Variants in TFCP2L1 observed in about 807,000 individuals in gnomAD.
The protein encoded by TFCP2L1 is transcription factor CP2 like 1.
TFCP2L1 carries 12 observed loss-of-function variants against 72.2 expected under a neutral mutation model. The ratio of observed to expected loss-of-function variants is 0.17; its 90% CI spans 0.11 to 0.27. The LOEUF is 0.27. Ranked by LOEUF, TFCP2L1 falls within the 10% of genes least tolerant of loss-of-function variation. The pLI, the probability that TFCP2L1 is intolerant of heterozygous loss-of-function variation, is 1.00. For synonymous variants in TFCP2L1, 260 were observed against 251.0 expected, an observed-to-expected ratio of 1.04 and a Z score of -0.34; for missense variants, 488 against 624.6, an observed-to-expected ratio of 0.78 and a Z score of 2.33.
At chr2:121,273,358 C>A (rs1464565153) in intron 2 of TFCP2L1, among the ~76,000 whole-genome samples, 1 of 152,178 alleles carries the variant, frequency 6.6e-6, no homozygotes, top group Admixed American at 6.5e-5. Context: ...CCCTCAGGCT[C>A]CAGCCTTCGG....
At position 121,237,795 on chromosome 2, in the gene TFCP2L1, C is replaced by G; in HGVS notation, c.909+7G>C. ...CACCAGCCAGAAAGCCCTGCTCAGA[C>G]ACTTACGTCACTGCCCACGGGCAGG... On this transcript the variant is annotated splice_region_variant and intron_variant, in intron 9 of 14. Transcript: ENST00000263707. 9 of 1,614,144 alleles carry G rather than the reference C, an allele frequency of 5.6e-6. No homozygotes were observed. The highest frequency in any genetic ancestry group is 7.6e-6 in the Non-Finnish European group (9 of 1,180,024).
intron 7 of TFCP2L1, chr2:121,240,552 AG>A: frequency 1.0e-6 from 1 of 985,458 alleles, no homozygotes; most frequent in Non-Finnish European, 1.2e-6. Flanking sequence ...AACAGCTGAT[AG>A]AAGTGGCAGC....
intron 1 of TFCP2L1, among the ~76,000 whole-genome samples, chr2:121,284,712 G>A (rs879295679): frequency 2.0e-5 from 3 of 152,220 alleles, no homozygotes; most frequent in Non-Finnish European, 4.4e-5. Flanking sequence ...ATACGCGGGG[G>A]AGAGGAGGGC....
intron 2 of TFCP2L1, among the ~76,000 whole-genome samples, chr2:121,280,615 G>GC: frequency 6.6e-6 from 1 of 151,988 alleles, no homozygotes; most frequent in African/African-American, 2.4e-5. Flanking sequence ...TTAAAAATTA[G>GC]CCGGGCATGG....
chr2:121,248,945 C>T lies in TFCP2L1; in HGVS notation c.397+37G>A, dbSNP rs201461467. 11 of 1,500,490 alleles carry T rather than the reference C, an allele frequency of 7.3e-6. No individual in the cohort carries two copies. In the East Asian group the frequency reaches 9.7e-5, roughly 13 times the overall value. 92.9% of individuals were successfully genotyped at this position (1,500,490 alleles called of 1,614,324 possible). ...AGAACCCAATGTGGCCTGGGTGCCT[C>T]GAGCCTTGCCTGGCCTCTCCTGGCC... On this transcript the variant is annotated intron_variant, in intron 4 of 14. Transcript: ENST00000263707.
At chr2:121,281,756 T>C (rs1687267840) in intron 1 of TFCP2L1, among the ~76,000 whole-genome samples, 1 of 152,158 alleles carries the variant, frequency 6.6e-6, no homozygotes, top group African/African-American at 2.4e-5. Context: ...CTCTGTAAAC[T>C]ATGCAAATGA....
chr2:121,258,232 C>G (rs1686765222), intron 2 of TFCP2L1, among the ~76,000 whole-genome samples: 1 of 152,186 alleles, frequency 6.6e-6, no homozygotes. Flanking sequence ...GAAATGGGCC[C>G]TCGCCTCACA....
At chr2:121,272,976 C>T (rs916755803) in intron 2 of TFCP2L1, among the ~76,000 whole-genome samples, 3 of 152,118 alleles carry the variant, frequency 2.0e-5, no homozygotes, top group African/African-American at 7.2e-5. Flanking sequence ...TGTTTGAAAC[C>T]CTCATCATCC....
At chr2:121,276,373 C>T (rs1687147300) in intron 2 of TFCP2L1, among the ~76,000 whole-genome samples, 1 of 151,924 alleles carries the variant, frequency 6.6e-6, no homozygotes, top group Non-Finnish European at 1.5e-5. Flanking sequence ...TAATGTTTCA[C>T]AAGTGTCCCA....
intron 1 of TFCP2L1, 83 bp from the exon 2 acceptor site, chr2:121,281,354 G>A (rs1312498124): frequency 4.2e-5 from 62 of 1,475,840 alleles, no homozygotes; most frequent in Non-Finnish European, 5.0e-5. Context: ...GAGAGACGAC[G>A]CAGACCACCG....
At position 121,217,924 on chromosome 2, in the gene TFCP2L1, C is replaced by T. The variant is rs572826011; in HGVS notation, c.*6417G>A. The T allele has an allele frequency of 1.3e-5, 2 of 152,370 alleles. No homozygotes were observed. Among genetic ancestry groups the T allele is most frequent in the Admixed American group, 6.5e-5 (1 of 15,306 alleles). The allele number at this position is 152,370 out of a possible 1,614,324, so 9.4% of individuals were successfully genotyped here. A position where few individuals can be genotyped will look rare whatever the true frequency, so the allele number is the denominator to read the frequency against. On this transcript the variant is annotated 3_prime_UTR_variant, in exon 15 of 15. Transcript: ENST00000263707. ...GCACCAGAACCTTCCAAGGGGGGCT[C>T]GCCAGCCACACAGGACACGAGATGC...
intron 13 of TFCP2L1, among the ~76,000 whole-genome samples, chr2:121,230,274 C>A (rs1038083944): frequency 6.6e-6 from 1 of 152,116 alleles, no homozygotes; most frequent in Non-Finnish European, 1.5e-5. Context: ...CAGGTTCAAG[C>A]GATTCTCCTG....
At chr2:121,239,746 GAGA>G in intron 7 of TFCP2L1, 97 bp from the exon 8 acceptor site, 4 of 1,199,784 alleles carry the variant, frequency 3.3e-6, no homozygotes, top group Non-Finnish European at 4.7e-6. Context: ...ACCAATGCAT[GAGA>G]CCCCCACCTG....
At position 121,231,912 on chromosome 2, in the gene TFCP2L1, C is replaced by T; in HGVS notation, c.1255G>A (p.Ala419Thr). The change falls in exon 13 of 15, where the codon GCC (alanine) becomes ACC (threonine). Residue 419 changes from alanine to threonine, a missense_variant. This residue lies in a region of TFCP2L1 where 286 missense variants were observed against 329.0 expected (regional missense o/e 0.87). Transcript: ENST00000263707. ...TGGGGGGAGATGCTGTACAGGTTGG[C>T]GATCTTCTCAATCAGCTCCAAGGTG... ...LTTLELIEKI[A>T]NLYSISPQHI... 3 of 1,613,364 alleles carry T rather than the reference C, an allele frequency of 1.9e-6. No individual in the cohort carries two copies. In the South Asian group the frequency reaches 3.3e-5, roughly 18 times the overall value.
At chr2:121,256,790 A>G (rs951428947) in intron 2 of TFCP2L1, among the ~76,000 whole-genome samples, 1 of 151,556 alleles carries the variant, frequency 6.6e-6, no homozygotes, top group Non-Finnish European at 1.5e-5. Flanking sequence ...AACAAAAACA[A>G]ACAAAAATAC....
At chr2:121,245,056 T>C (rs1047503329) in intron 6 of TFCP2L1, among the ~76,000 whole-genome samples, 17 of 151,958 alleles carry the variant, frequency 1.1e-4, no homozygotes, top group African/African-American at 4.1e-4. Flanking sequence ...GGAATGGAGG[T>C]TTCAGATGGA....
intron 1 of TFCP2L1, among the ~76,000 whole-genome samples, chr2:121,282,319 TAAAAAAA>T (rs539101704): frequency 1.2e-4 from 10 of 86,258 alleles, no homozygotes; most frequent in Non-Finnish European, 2.2e-4. Context: ...CTCTCCACAT[TAAAAAAA>T]AAAAAAAAAA....
chr2:121,231,730 A>G (rs1686147227), intron 13 of TFCP2L1, 96 bp downstream of exon 13: 1 of 1,522,882 alleles, frequency 6.6e-7, no homozygotes, highest in South Asian at 1.2e-5. Flanking sequence ...CCTGTCTGTC[A>G]CTCCCAAACC....
chr2:121,235,834 A>G (rs1446509810), intron 10 of TFCP2L1, among the ~76,000 whole-genome samples: 1 of 151,826 alleles, frequency 6.6e-6, no homozygotes, highest in Non-Finnish European at 1.5e-5. Context: ...GGATGCTGAC[A>G]ATCTGAATAC....
Sources: gnomAD v4.1 joint callset for allele counts (sites outside exome capture counted in the v4.1 genomes callset) on GRCh38, gnomAD v4.1.1 for gene constraint, gnomAD v4.1.1 regional missense constraint, MANE v1.5 for transcripts, NCBI Gene and HGNC (gene_info 2026-07-23, HGNC 2026-07-21) for gene names.